Variants in MTHFSD observed in about 807,000 individuals in gnomAD.
MTHFSD encodes methenyltetrahydrofolate synthetase domain containing, also known as methenyltetrahydrofolate synthase domain-containing protein.
Under a neutral mutation model 31.1 loss-of-function variants are expected in MTHFSD, and 37 were observed. The ratio of observed to expected loss-of-function variants is 1.19; its 90% CI spans 0.91 to 1.56. MTHFSD has a LOEUF of 1.56. MTHFSD is among the 40% of genes most tolerant of loss of function. MTHFSD has a pLI of 0.00. For synonymous variants in MTHFSD, 221 were observed against 206.9 expected (o/e 1.07, Z -0.59); for missense variants, 664 against 510.1 (o/e 1.30, Z -2.91).
chr16:86,554,805 C>A (rs1973831267), intron 1 of MTHFSD, 54 bp from the exon 2 acceptor site: 5 of 1,480,976 alleles, frequency 3.4e-6, no homozygotes, highest in Non-Finnish European at 4.7e-6. Flanking sequence ...AGAGCCCATG[C>A]TGAAACCGCT....
chr16:86,532,169 C>T lies in MTHFSD; in HGVS notation c.994G>A (p.Val332Met), dbSNP rs376801434. 151 of 1,571,968 alleles carry T rather than the reference C, an allele frequency of 9.6e-5. No homozygotes were observed. The highest frequency in any genetic ancestry group is 1.2e-4 in the Non-Finnish European group (141 of 1,158,670). The change falls in exon 8 of 8, where the codon GTG becomes ATG. Residue 332 changes from valine (V) to methionine (M), a missense_variant. Coordinates refer to ENST00000360900, the MANE Select transcript of MTHFSD (RefSeq NM_001159377.2). ...LKRALRELGSVPLRLTWQGPR... is the reference protein window; with the variant it reads ...LKRALRELGSMPLRLTWQGPR... ...CCCTGCCAGGTGAGCCGCAGGGGCA[C>T]GGAGCCGAGTTCCCGCAGGGCTCTC... is the stretch of plus-strand genomic sequence containing the variant.
chr16:86,542,365 C>A lies in MTHFSD; in HGVS notation c.443-152G>T. On this transcript the variant is annotated intron_variant, in intron 5 of 7. Transcript: ENST00000360900. This position sits in a 1 kb window ranked among gnomAD's most constrained non-coding sequence, Gnocchi z 4.6. ...CACAGAAATGCCCACCAAATGCCCA[C>A]AAGCAGCCCACACTGACGATGGACT... 1 of 638,290 alleles carries A rather than the reference C, an allele frequency of 1.6e-6. No homozygotes were observed. Among genetic ancestry groups the A allele is most frequent in the Non-Finnish European group, 2.7e-6 (1 of 371,344 alleles). The allele number at this position is 638,290 out of a possible 1,614,324, so 39.5% of individuals were successfully genotyped here.
chr16:86,538,734 G>A (rs149118071), intron 7 of MTHFSD, among the ~76,000 whole-genome samples: 2 of 152,342 alleles, frequency 1.3e-5, no homozygotes, highest in East Asian at 3.9e-4. Context: ...TCAGGACCAC[G>A]TTCCAGCTTC....
At chr16:86,535,474 T>C (rs1375920672) in intron 7 of MTHFSD, 2 of 985,308 alleles carry the variant, frequency 2.0e-6, no homozygotes, top group Non-Finnish European at 2.4e-6. Flanking sequence ...GTGCTACTGT[T>C]TCCTGGCTGG....
At chr16:86,534,041 T>G (rs1970339108) in intron 7 of MTHFSD, among the ~76,000 whole-genome samples, 1 of 152,218 alleles carries the variant, frequency 6.6e-6, no homozygotes, top group South Asian at 2.1e-4. Flanking sequence ...GCACATGGCC[T>G]CATTTTGGTC....
At chr16:86,549,151 C>G (rs573847685) in intron 3 of MTHFSD, among the ~76,000 whole-genome samples, 1 of 152,344 alleles carries the variant, frequency 6.6e-6, no homozygotes, top group Admixed American at 6.5e-5. Flanking sequence ...ACCTCTAGAA[C>G]AGGGCTTCTC....
At chr16:86,536,459 T>C (rs760973082) in intron 7 of MTHFSD, among the ~76,000 whole-genome samples, 1 of 152,136 alleles carries the variant, frequency 6.6e-6, no homozygotes, top group Non-Finnish European at 1.5e-5. Context: ...TGATCAAAGG[T>C]GTCAGTTGGT....
intron 7 of MTHFSD, among the ~76,000 whole-genome samples, chr16:86,537,796 G>A (rs553654356): frequency 2.6e-5 from 4 of 152,322 alleles, no homozygotes; most frequent in East Asian, 1.9e-4. Context: ...GGGGAAGAGC[G>A]GGCCATGCTT....
At chr16:86,553,724 C>CAGTGGGGGGGGGGGGTAGGGG (rs1555529170) in intron 2 of MTHFSD, 2 of 152,722 alleles carry the variant, frequency 1.3e-5, no homozygotes, top group Non-Finnish European at 2.9e-5. Context: ...CACTGCCCAA[C>CAGTGGGGGGGGGGGGTAGGGG]GGCTGAGGAG....
intron 5 of MTHFSD, 140 bp downstream of exon 5, chr16:86,546,419 A>G (rs1461048778): frequency 6.9e-6 from 5 of 727,018 alleles, no homozygotes; most frequent in Non-Finnish European, 1.2e-5. Context: ...CACCTCTGAA[A>G]AATGCAGCGG....
Position 86,542,380 on chromosome 16 carries a change from G to C in MTHFSD, c.443-167C>G. On this transcript the variant is annotated intron_variant, in intron 5 of 7. Transcript: ENST00000360900. The surrounding 1 kb of genome is among the most constrained non-coding windows in gnomAD (Gnocchi z 4.6). ...CAAATGCCCACAAGCAGCCCACACTGACGATGGACTTTTGGGCATTCAACA... is the reference window on the plus strand; with the variant it reads ...CAAATGCCCACAAGCAGCCCACACTCACGATGGACTTTTGGGCATTCAACA... 1.6e-6 allele frequency: 1 copy of C among 609,122 alleles called. No individual in the cohort carries two copies. Among genetic ancestry groups the C allele is most frequent in the East Asian group, 2.8e-5 (1 of 35,698 alleles). 37.7% of individuals were successfully genotyped at this position (609,122 alleles called of 1,614,324 possible).
At chr16:86,546,365 C>G (rs761156937) in intron 5 of MTHFSD, among the ~76,000 whole-genome samples, 194 bp downstream of exon 5, 1 of 152,208 alleles carries the variant, frequency 6.6e-6, no homozygotes, top group Non-Finnish European at 1.5e-5. Flanking sequence ...ATGCTGTACA[C>G]ATGTTGGGCT....
chr16:86,548,247 G>A (rs1486135114), intron 4 of MTHFSD: 1 of 958,354 alleles, frequency 1.0e-6, no homozygotes. Context: ...CCAATTTCGT[G>A]CAAAATAGAA....
At chr16:86,541,577 G>T in intron 7 of MTHFSD, 120 bp downstream of exon 7, 3 of 1,391,018 alleles carry the variant, frequency 2.2e-6, no homozygotes, top group Non-Finnish European at 2.9e-6. Flanking sequence ...AAAGCTCCTT[G>T]GGTGATTCTA....
intron 5 of MTHFSD, among the ~76,000 whole-genome samples, chr16:86,543,986 G>A (rs1305596022): frequency 6.6e-6 from 1 of 152,226 alleles, no homozygotes; most frequent in Non-Finnish European, 1.5e-5. Flanking sequence ...AATGCCTGCT[G>A]ATCTGTCACT....
chr16:86,540,817 C>T lies in MTHFSD; in HGVS notation c.681+880G>A, dbSNP rs1003145391. On this transcript the variant is annotated intron_variant, in intron 7 of 7. Transcript: ENST00000360900. Reference sequence around the variant, plus strand: ...GCCCATACACTCTGGGTTACAAAGGCTGTTCCCTCTGCGTTCATCAGCGGC... The same window carrying T: ...GCCCATACACTCTGGGTTACAAAGGTTGTTCCCTCTGCGTTCATCAGCGGC... 7 of 1,024,614 alleles carry T rather than the reference C, an allele frequency of 6.8e-6. No individual in the cohort carries two copies. In the East Asian group the frequency reaches 6.3e-4, roughly 92 times the overall value. The allele number at this position is 1,024,614 out of a possible 1,614,324, so 63.5% of individuals were successfully genotyped here.
intron 7 of MTHFSD, among the ~76,000 whole-genome samples, chr16:86,536,747 C>T (rs1030036862): frequency 2.6e-5 from 4 of 152,260 alleles, no homozygotes; most frequent in Admixed American, 1.3e-4. Flanking sequence ...CGCCTTGGCT[C>T]CTGCCTGGCC....
At chr16:86,543,961 T>A (rs1228095474) in intron 5 of MTHFSD, among the ~76,000 whole-genome samples, 2 of 152,188 alleles carry the variant, frequency 1.3e-5, no homozygotes, top group African/African-American at 4.8e-5. Context: ...GGTTGCGTGC[T>A]CCTGATGAGA....
intron 3 of MTHFSD, among the ~76,000 whole-genome samples, chr16:86,548,952 G>A (rs1303738470): frequency 2.0e-5 from 3 of 152,082 alleles, no homozygotes; most frequent in South Asian, 2.1e-4. Context: ...CACCAAGTGC[G>A]ACACAGTTAC....
Sources: allele counts gnomAD v4.1 joint callset (sites outside exome capture counted in the v4.1 genomes callset), GRCh38; gene constraint gnomAD v4.1.1; non-coding constraint Gnocchi (gnomAD v3.1); transcripts MANE v1.5; gene names NCBI Gene and HGNC (gene_info 2026-07-23, HGNC 2026-07-21).